BCAS1: variants seen among roughly 807,000 people sequenced by gnomAD.
BCAS1 encodes the protein breast carcinoma-amplified sequence 1.
Under a neutral mutation model 65.4 loss-of-function variants are expected in BCAS1, and 46 were observed. That is an observed-to-expected ratio of 0.70 (90% CI 0.55 to 0.90). The LOEUF is 0.90. Ranked by LOEUF, BCAS1 falls within the 40% of genes least tolerant of loss-of-function variation. BCAS1 has a pLI of 0.00. For synonymous variants in BCAS1, 298 were observed against 293.5 expected (o/e 1.02, Z -0.16); for missense variants, 793 against 771.2 (o/e 1.03, Z -0.33).
chr20:53,964,988 C>T (rs188952296), intron 10 of BCAS1, among the ~76,000 whole-genome samples: 12 of 151,918 alleles, frequency 7.9e-5, no homozygotes, highest in Admixed American at 5.2e-4. Context: ...ATTTGGGGAT[C>T]CCATTTGTAA....
At chr20:54,030,442 G>T (rs2091773486) in intron 3 of BCAS1, among the ~76,000 whole-genome samples, 2 of 152,180 alleles carry the variant, frequency 1.3e-5, no homozygotes, top group Non-Finnish European at 2.9e-5. Context: ...AACTTTTCAG[G>T]TTTCTCTCAT....
chr20:54,032,766 A>T (rs888649832), intron 3 of BCAS1, among the ~76,000 whole-genome samples: 1 of 151,424 alleles, frequency 6.6e-6, no homozygotes, highest in Non-Finnish European at 1.5e-5. Flanking sequence ...ATTAAACAAG[A>T]AGATCTAACT....
chr20:54,014,432 CT>C (rs1371683972), intron 4 of BCAS1, among the ~76,000 whole-genome samples: 8 of 152,192 alleles, frequency 5.3e-5, no homozygotes, highest in African/African-American at 1.9e-4. Context: ...CCATATGGAA[CT>C]TCTGGCACTT....
At chr20:54,008,869 A>T (rs2091261571) in intron 4 of BCAS1, among the ~76,000 whole-genome samples, 1 of 151,746 alleles carries the variant, frequency 6.6e-6, no homozygotes, top group Admixed American at 6.6e-5. Flanking sequence ...GTAATGGCAC[A>T]ATGGCACAAT....
At chr20:54,022,077 C>T (rs750692345) in intron 4 of BCAS1, among the ~76,000 whole-genome samples, 3 of 152,110 alleles carry the variant, frequency 2.0e-5, no homozygotes, top group Non-Finnish European at 4.4e-5. Context: ...GAGAGGTACT[C>T]CTGCATACTT....
intron 12 of BCAS1, among the ~76,000 whole-genome samples, chr20:53,946,920 G>C (rs76374438): frequency 0.1 from 15,282 of 151,928 alleles, 879 homozygotes; most frequent in South Asian, 0.16. Context: ...ATAGTATATA[G>C]AGTGTATTAT....
At chr20:53,973,305 A>T (rs1482224001) in intron 9 of BCAS1, among the ~76,000 whole-genome samples, 4 of 152,216 alleles carry the variant, frequency 2.6e-5, no homozygotes, top group Admixed American at 1.3e-4. Flanking sequence ...TGTTGCTTGC[A>T]GTGTTAAGTC....
At chr20:53,976,721 G>C (rs1009208405) in intron 8 of BCAS1, among the ~76,000 whole-genome samples, 1 of 151,998 alleles carries the variant, frequency 6.6e-6, no homozygotes, top group Non-Finnish European at 1.5e-5. Flanking sequence ...ACATTTTTTC[G>C]GCAATCGTGT....
intron 9 of BCAS1, among the ~76,000 whole-genome samples, chr20:53,973,657 C>T (rs547813991): frequency 2.6e-5 from 4 of 152,126 alleles, no homozygotes; most frequent in Non-Finnish European, 2.9e-5. Context: ...ACTTAAAGTT[C>T]GTAGAAAGAA....
At chr20:54,059,002 G>A (rs1007430866) in intron 1 of BCAS1, among the ~76,000 whole-genome samples, 2 of 152,174 alleles carry the variant, frequency 1.3e-5, no homozygotes, top group African/African-American at 4.8e-5. Context: ...CCTCTCCACA[G>A]GACACCAGAA....
chr20:54,040,138 G>T (rs545184543), intron 3 of BCAS1, among the ~76,000 whole-genome samples: 1 of 151,236 alleles, frequency 6.6e-6, no homozygotes, highest in African/African-American at 2.4e-5. Context: ...ATAAACTTTC[G>T]TGTTCAAAAA....
At chr20:53,988,787 G>A (rs372137134) in intron 7 of BCAS1, among the ~76,000 whole-genome samples, 10 of 152,294 alleles carry the variant, frequency 6.6e-5, no homozygotes, top group East Asian at 5.8e-4. Flanking sequence ...CACAGACAGG[G>A]AAATTTAGTT....
At chr20:54,045,833 C>A (rs2092093734) in intron 3 of BCAS1, among the ~76,000 whole-genome samples, 1 of 152,164 alleles carries the variant, frequency 6.6e-6, no homozygotes, top group Non-Finnish European at 1.5e-5. Context: ...GTTTTCTTTT[C>A]TCAAATTAAT....
chr20:53,950,150 ACAGC>A (rs2089468261), intron 12 of BCAS1, among the ~76,000 whole-genome samples: 9 of 50,922 alleles, frequency 1.8e-4, no homozygotes, highest in Non-Finnish European at 3.3e-4. Flanking sequence ...CACAGCCCGT[ACAGC>A]CTGCATGAGG....
At chr20:54,053,527 G>A (rs976251788) in intron 3 of BCAS1, among the ~76,000 whole-genome samples, 3 of 152,206 alleles carry the variant, frequency 2.0e-5, no homozygotes, top group African/African-American at 7.2e-5. Flanking sequence ...TGATCTTAAA[G>A]TTCCAAAAGA....
intron 4 of BCAS1, among the ~76,000 whole-genome samples, chr20:54,015,331 C>T (rs755685342): frequency 3.3e-5 from 5 of 151,916 alleles, no homozygotes; most frequent in African/African-American, 4.8e-5. Flanking sequence ...CATGCCCAAA[C>T]TCTTTTTTTT....
chr20:54,002,672 TA>T (rs1262185687), intron 4 of BCAS1, among the ~76,000 whole-genome samples: 2 of 149,708 alleles, frequency 1.3e-5, no homozygotes, highest in African/African-American at 2.4e-5. Flanking sequence ...AATCTTGTTC[TA>T]GGGGTGTAGC....
At chr20:54,066,234 G>A (rs559955473) in intron 1 of BCAS1, among the ~76,000 whole-genome samples, 6 of 152,228 alleles carry the variant, frequency 3.9e-5, no homozygotes, top group Admixed American at 1.3e-4. Context: ...CACCACGCCC[G>A]GCTAATTTTT....
At chr20:53,952,075 C>A (rs1470242480) in intron 12 of BCAS1, among the ~76,000 whole-genome samples, 1 of 152,214 alleles carries the variant, frequency 6.6e-6, no homozygotes, top group East Asian at 1.9e-4. Flanking sequence ...TCTCCATTCT[C>A]AAAGTGGGTA....
Sources: allele counts gnomAD v4.1 joint callset (sites outside exome capture counted in the v4.1 genomes callset), GRCh38; gene constraint gnomAD v4.1.1; transcripts MANE v1.5; gene names NCBI Gene and HGNC (gene_info 2026-07-23, HGNC 2026-07-21).